GABPB1: variants seen among roughly 807,000 people sequenced by gnomAD.
GABPB1 encodes the protein GA binding protein transcription factor subunit beta 1.
A neutral mutation model predicts 45.9 loss-of-function variants in GABPB1; 15 were observed. The observed-to-expected ratio is 0.33, with a 90% CI of 0.22 to 0.50. The LOEUF (loss-of-function observed/expected upper bound fraction) is 0.50. GABPB1 is among the 20% of genes least tolerant of loss of function. GABPB1 has a pLI of 0.98. For missense variants in GABPB1, 252 were observed against 457.5 expected, an observed-to-expected ratio of 0.55 and a Z score of 4.10; for synonymous variants, 143 against 154.4, an observed-to-expected ratio of 0.93 and a Z score of 0.55.
chr15:50,328,966 T>C (rs1174738601), intron 1 of GABPB1, among the ~76,000 whole-genome samples: 1 of 152,222 alleles, frequency 6.6e-6, no homozygotes, highest in African/African-American at 2.4e-5. Context: ...TTCTATTTAT[T>C]GTTATATAAT....
At chr15:50,349,184 T>C (rs1375906076) in intron 1 of GABPB1, 1 of 152,076 alleles carries the variant, frequency 6.6e-6, no homozygotes, top group Admixed American at 6.6e-5. Context: ...ATTCATACAT[T>C]TTGTTGCAGA....
chr15:50,281,306 G>A lies in GABPB1; in HGVS notation c.1000-2522C>T, dbSNP rs547704280. On this transcript the variant is annotated intron_variant, in intron 8 of 8. Coordinates refer to ENST00000380877, the MANE Select transcript of GABPB1 (RefSeq NM_016654.5). ...AGCTCACTGCAACCTCCACCTCCCG[G>A]ATTCAAGCAATTCTCCTGCATCAGC... Among the ~76,000 whole-genome samples, 3 of 152,310 alleles carry A rather than the reference G, an allele frequency of 2.0e-5. No individual in the cohort carries two copies. In the East Asian group the frequency reaches 5.8e-4, roughly 29 times the overall value.
At position 50,355,043 on chromosome 15, in the gene GABPB1, G is replaced by A. The variant is rs2049047183; in HGVS notation, c.-59C>T. ...AGCAGGAGGTGGTGCGGGGACCCGA[G>A]GCGCCTCGTACCCGGCCGGGCTGAC... On this transcript the variant is annotated 5_prime_UTR_variant, in exon 1 of 9. Transcript: ENST00000380877. 1 of 155,336 alleles carries A rather than the reference G, an allele frequency of 6.4e-6. No individual in the cohort carries two copies. Among genetic ancestry groups the A allele is most frequent in the African/African-American group, 2.4e-5 (1 of 41,468 alleles). 9.6% of individuals were successfully genotyped at this position (155,336 alleles called of 1,614,324 possible).
At chr15:50,294,577 G>A (rs898142396) in intron 6 of GABPB1, among the ~76,000 whole-genome samples, 2 of 152,078 alleles carry the variant, frequency 1.3e-5, no homozygotes, top group Non-Finnish European at 1.5e-5. Flanking sequence ...TAAACTTTTC[G>A]AAGGTATTAT....
chr15:50,351,979 T>C (rs778236835), intron 1 of GABPB1: 1 of 152,184 alleles, frequency 6.6e-6, no homozygotes, highest in Non-Finnish European at 1.5e-5. Context: ...AGCAGAGGGA[T>C]GACACTAAGG....
intron 1 of GABPB1, among the ~76,000 whole-genome samples, chr15:50,321,635 G>A (rs1448131289): frequency 6.6e-6 from 1 of 151,188 alleles, no homozygotes; most frequent in Admixed American, 6.6e-5. Flanking sequence ...TCAGGAGGCA[G>A]AGGTTGCAGC....
rs947334141 is a variant in GABPB1, at chr15:50,275,634, A to G, written c.*2998T>C. On this transcript the variant is annotated 3_prime_UTR_variant, in exon 9 of 9. Coordinates refer to ENST00000380877, the MANE Select transcript of GABPB1 (RefSeq NM_016654.5). Reference sequence around the variant, plus strand: ...TCTTTTCTCTCTAATTGTCTTCCCAACCCTCCACCACCATAAAGAAATAGA... The same window carrying G: ...TCTTTTCTCTCTAATTGTCTTCCCAGCCCTCCACCACCATAAAGAAATAGA... 1 of 152,094 alleles carries G rather than the reference A, an allele frequency of 6.6e-6. No individual in the cohort carries two copies. The highest frequency in any genetic ancestry group is 1.5e-5 in the Non-Finnish European group (1 of 68,008). The allele number at this position is 152,094 out of a possible 1,614,324, so 9.4% of individuals were successfully genotyped here.
chr15:50,318,254 A>C (rs984971750), intron 1 of GABPB1, among the ~76,000 whole-genome samples: 46 of 152,312 alleles, frequency 3.0e-4, no homozygotes, highest in African/African-American at 1.0e-3. Context: ...CTGTGTTCTA[A>C]GTTGAAGAAC....
Position 50,301,286 on chromosome 15 carries a change from A to G in GABPB1, c.554T>C (p.Ile185Thr), listed in dbSNP as rs2046735332. The change falls in exon 5 of 9, where the codon ATT becomes ACT. Residue 185 changes from isoleucine (I) to threonine (T), a missense_variant. By Grantham distance (89) the Ile-to-Thr change is moderately conservative. Around this residue, in one of 4 missense-constraint regions of GABPB1, gnomAD observed 193 missense variants for 259.9 expected, o/e 0.74. Coordinates refer to ENST00000380877, the MANE Select transcript of GABPB1 (RefSeq NM_016654.5). ...TIHAATPQFIIGPGGVVNLTD... is the reference protein window; with the variant it reads ...TIHAATPQFITGPGGVVNLTD... The stretch of plus-strand genomic sequence containing the variant: ...TAGGTTCACCACCCCTCCAGGTCCA[A>G]TGATAAACTGTGGTGTTGCAGCATG... 3 of 1,614,000 alleles carry G rather than the reference A, an allele frequency of 1.9e-6. No homozygotes were observed. The highest frequency in any genetic ancestry group is 1.7e-6 in the Non-Finnish European group (2 of 1,179,984).
chr15:50,341,335 C>T (rs748169193), intron 1 of GABPB1, among the ~76,000 whole-genome samples: 35 of 152,006 alleles, frequency 2.3e-4, no homozygotes, highest in Non-Finnish European at 3.8e-4. Context: ...GAGTTCGAGA[C>T]GAGCCTGACC....
chr15:50,350,227 T>C (rs963461544), intron 1 of GABPB1: 1 of 151,674 alleles, frequency 6.6e-6, no homozygotes, highest in Non-Finnish European at 1.5e-5. Context: ...CTAACTCAGG[T>C]ACCTTGAGCA....
intron 1 of GABPB1, among the ~76,000 whole-genome samples, chr15:50,321,388 G>A (rs2047564432): frequency 6.6e-6 from 1 of 152,162 alleles, no homozygotes; most frequent in African/African-American, 2.4e-5. Context: ...CACTTCCAGT[G>A]AAATCATACT....
chr15:50,350,594 T>A (rs577499500), intron 1 of GABPB1: 40 of 151,946 alleles, frequency 2.6e-4, no homozygotes, highest in African/African-American at 9.4e-4. Flanking sequence ...TTCACTCAAT[T>A]AGCTTTTTGT....
At chr15:50,292,558 G>A (rs1042025299) in intron 6 of GABPB1, among the ~76,000 whole-genome samples, 6 of 152,082 alleles carry the variant, frequency 3.9e-5, no homozygotes, top group Non-Finnish European at 5.9e-5. Flanking sequence ...CTGATATTAT[G>A]AGCCTCCTTA....
chr15:50,289,407 C>T (rs553202424), intron 7 of GABPB1, 76 bp downstream of exon 7: 7 of 875,760 alleles, frequency 8.0e-6, no homozygotes, highest in Non-Finnish European at 1.2e-5. Context: ...TCTTTTTGGA[C>T]TGCAGGGAAG....
intron 1 of GABPB1, among the ~76,000 whole-genome samples, chr15:50,335,255 G>T (rs1333676148): frequency 6.6e-6 from 1 of 152,098 alleles, no homozygotes. Context: ...GATGAAAAGC[G>T]GTTAGTTCTG....
intron 1 of GABPB1, among the ~76,000 whole-genome samples, chr15:50,320,841 C>G (rs200739007): frequency 6.6e-6 from 1 of 152,058 alleles, no homozygotes; most frequent in Admixed American, 6.6e-5. Context: ...ATGCTGTTGG[C>G]CTTAAAGATG....
chr15:50,323,499 C>T (rs1406542126), intron 1 of GABPB1, among the ~76,000 whole-genome samples: 1 of 152,234 alleles, frequency 6.6e-6, no homozygotes, highest in Non-Finnish European at 1.5e-5. Context: ...AGAGGTCACT[C>T]AGCCTTTCTA....
rs2047500647 is a variant in GABPB1, at chr15:50,319,972, G to A, written c.1-10174C>T. ...TAACCACTATCTAAATGTTTAGTGT[G>A]CATCCTTCCAGATCTTTTCTATGCA... On this transcript the variant is annotated intron_variant, in intron 1 of 8. Transcript: ENST00000380877. Among the ~76,000 whole-genome samples the A allele has an allele frequency of 2.0e-5, 3 of 152,290 alleles. No homozygotes were observed. The South Asian group carries it at 6.2e-4, about 32-fold the overall frequency.
Sources: allele counts gnomAD v4.1 joint callset (sites outside exome capture counted in the v4.1 genomes callset), GRCh38; gene constraint gnomAD v4.1.1; regional missense constraint gnomAD v4.1.1; transcripts MANE v1.5; gene names NCBI Gene and HGNC (gene_info 2026-07-23, HGNC 2026-07-21).